Variants in MOV10L1 observed in about 807,000 individuals in gnomAD.
MOV10L1 encodes RNA helicase Mov10l1.
MOV10L1 carries 110 observed loss-of-function variants against 143.8 expected under a neutral mutation model. The ratio of observed to expected loss-of-function variants is 0.76; its 90% CI spans 0.66 to 0.90. The LOEUF (loss-of-function observed/expected upper bound fraction) is 0.90. Ranked by LOEUF, MOV10L1 falls within the 40% of genes least tolerant of loss-of-function variation. The pLI, the probability that MOV10L1 is intolerant of heterozygous loss-of-function variation, is 0.00. For synonymous variants in MOV10L1, 593 were observed against 581.1 expected (o/e 1.02, Z -0.29); for missense variants, 1,406 against 1,526.8 (o/e 0.92, Z 1.32).
rs750982661 is a variant in MOV10L1, at chr22:50,150,919, G to A, written c.2892+20G>A. The A allele has an allele frequency of 3.3e-5, 54 of 1,613,620 alleles. No individual in the cohort carries two copies. Among genetic ancestry groups the A allele is most frequent in the Non-Finnish European group, 4.2e-5 (50 of 1,179,832 alleles). ...CTGTTGGTGAGTCACAGACTCCAGC[G>A]CGTTCAGGTCCCCAGCTAAGCAGAC... is the stretch of plus-strand genomic sequence containing the variant. On this transcript the variant is annotated intron_variant, in intron 21 of 26. Transcript: ENST00000262794.
intron 1 of MOV10L1, 96 bp downstream of exon 1, chr22:50,090,281 C>T: frequency 6.9e-6 from 10 of 1,445,792 alleles, no homozygotes; most frequent in Non-Finnish European, 9.1e-6. Flanking sequence ...CAGTGCGGGC[C>T]GGCAGGCAAC....
intron 7 of MOV10L1, among the ~76,000 whole-genome samples, 198 bp downstream of exon 7, chr22:50,114,820 C>T (rs562955004): frequency 6.6e-6 from 1 of 152,202 alleles, no homozygotes; most frequent in African/African-American, 2.4e-5. Flanking sequence ...TTGACAAATA[C>T]CAAGAGGTGC....
At chr22:50,118,283 A>G in intron 9 of MOV10L1, among the ~76,000 whole-genome samples, 1 of 152,030 alleles carries the variant, frequency 6.6e-6, no homozygotes, top group East Asian at 1.9e-4. Context: ...AAGTTTCTTA[A>G]CCACTCTGAG....
intron 15 of MOV10L1, among the ~76,000 whole-genome samples, 194 bp from the exon 16 acceptor site, chr22:50,141,887 A>G (rs2062997892): frequency 6.6e-6 from 1 of 152,124 alleles, no homozygotes; most frequent in Admixed American, 6.5e-5. Context: ...AAAAAGCACA[A>G]ACTTTTTTAG....
Position 50,134,572 on chromosome 22 carries a change from C to T in MOV10L1, c.2012C>T (p.Thr671Met), listed in dbSNP as rs776533800. ...ATTATTTTACAGTCTCCACAAGTGA[C>T]GGGAAATTGGAACCATGCACAAGAC... ...EEIILQSPQV[T>M]GNWNHAQDTK... is the part of the protein sequence containing the mutation. Residue 671 changes from threonine to methionine, a missense_variant, in exon 15 of 27, where the codon ACG (threonine) becomes ATG (methionine). By Grantham distance (81) the Thr-to-Met change is moderately conservative (BLOSUM62 -1). This residue lies in a region of MOV10L1 where 1,233 missense variants were observed against 1,351.4 expected (regional missense o/e 0.91). Coordinates refer to ENST00000262794, the MANE Select transcript of MOV10L1 (RefSeq NM_018995.3). 1.9e-5 allele frequency: 31 copies of T among 1,614,022 alleles called. No individual in the cohort carries two copies. Among genetic ancestry groups the T allele is most frequent in the Admixed American group, 3.3e-5 (2 of 60,020 alleles).
At chr22:50,123,678 T>C (rs986644983) in intron 10 of MOV10L1, among the ~76,000 whole-genome samples, 1 of 152,248 alleles carries the variant, frequency 6.6e-6, no homozygotes, top group Non-Finnish European at 1.5e-5. Context: ...TAAGAATAAG[T>C]CAGAGAGTAT....
intron 19 of MOV10L1, among the ~76,000 whole-genome samples, chr22:50,146,264 C>G (rs35470139): frequency 6.6e-6 from 1 of 151,664 alleles, no homozygotes; most frequent in East Asian, 1.9e-4. Context: ...GGCAGGCTGC[C>G]TAGGAAACGG....
At chr22:50,148,765 G>A (rs533272806) in intron 19 of MOV10L1, among the ~76,000 whole-genome samples, 24 of 151,340 alleles carry the variant, frequency 1.6e-4, no homozygotes, top group South Asian at 6.3e-4. Flanking sequence ...CCAGGTTCAC[G>A]CCATTCTCCT....
chr22:50,149,497 C>T, intron 19 of MOV10L1, 118 bp from the exon 20 acceptor site: 2 of 960,578 alleles, frequency 2.1e-6, no homozygotes, highest in African/African-American at 1.6e-5. Context: ...CTCCTGCACA[C>T]CCCTGGGCAA....
intron 13 of MOV10L1, among the ~76,000 whole-genome samples, chr22:50,131,120 G>A (rs1311099171): frequency 1.4e-5 from 2 of 148,098 alleles, no homozygotes; most frequent in Non-Finnish European, 3.0e-5. Flanking sequence ...GTGTTAGCCA[G>A]AATGGTCTCA....
chr22:50,114,974 C>A, intron 7 of MOV10L1, 140 bp from the exon 8 acceptor site: 1 of 923,988 alleles, frequency 1.1e-6, no homozygotes, highest in Non-Finnish European at 1.6e-6. Flanking sequence ...TTCCAGCCAC[C>A]ACCTGAGGCT....
chr22:50,131,114 T>C (rs1264103569), intron 13 of MOV10L1, among the ~76,000 whole-genome samples: 6 of 150,716 alleles, frequency 4.0e-5, no homozygotes, highest in African/African-American at 7.3e-5. Context: ...TTCACTGTGT[T>C]AGCCAGAATG....
chr22:50,112,257 C>A (rs1418436070), intron 5 of MOV10L1, among the ~76,000 whole-genome samples: 1 of 152,224 alleles, frequency 6.6e-6, no homozygotes, highest in Non-Finnish European at 1.5e-5. Context: ...CTGCATCTGA[C>A]CACGGAAGCC....
At chr22:50,099,728 G>C in intron 3 of MOV10L1, 126 bp downstream of exon 3, 1 of 1,173,142 alleles carries the variant, frequency 8.5e-7, no homozygotes, top group South Asian at 1.6e-5. Context: ...CAGGAGGATC[G>C]CTTGAGCCCA....
intron 22 of MOV10L1, among the ~76,000 whole-genome samples, 196 bp downstream of exon 22, chr22:50,153,414 C>CT (rs1440444416): frequency 1.3e-5 from 2 of 152,246 alleles, no homozygotes; most frequent in Admixed American, 6.5e-5. Context: ...TGAGTTGTGC[C>CT]TGGCACCAAG....
intron 1 of MOV10L1, chr22:50,090,437 T>A (rs761924070): frequency 6.2e-7 from 1 of 1,600,308 alleles, no homozygotes; most frequent in Non-Finnish European, 8.5e-7. Flanking sequence ...CGCCCTCACT[T>A]TGTGTGTTTA....
chr22:50,101,460 CT>C (rs2061742149), intron 3 of MOV10L1, among the ~76,000 whole-genome samples: 1 of 151,824 alleles, frequency 6.6e-6, no homozygotes, highest in African/African-American at 2.4e-5. Context: ...TGTGATCCAC[CT>C]GCCAAAGTGC....
chr22:50,135,229 G>T (rs1397189005), intron 15 of MOV10L1, among the ~76,000 whole-genome samples: 1 of 151,786 alleles, frequency 6.6e-6, no homozygotes, highest in Non-Finnish European at 1.5e-5. Flanking sequence ...GGTCAGGCTG[G>T]TCTCGATCTC....
At chr22:50,098,529 T>C (rs1294267496) in intron 2 of MOV10L1, among the ~76,000 whole-genome samples, 7 of 152,224 alleles carry the variant, frequency 4.6e-5, no homozygotes, top group East Asian at 1.9e-4. Context: ...TTTTCTTGAT[T>C]TCCTTTTTGG....
Sources: allele counts gnomAD v4.1 joint callset (sites outside exome capture counted in the v4.1 genomes callset), GRCh38; gene constraint gnomAD v4.1.1; regional missense constraint gnomAD v4.1.1; transcripts MANE v1.5; gene names NCBI Gene and HGNC (gene_info 2026-07-23, HGNC 2026-07-21).